ZCCHC17: variants seen among roughly 807,000 people sequenced by gnomAD.
ZCCHC17 encodes zinc finger CCHC-type containing 17.
Under a neutral mutation model 30.6 loss-of-function variants are expected in ZCCHC17, and 18 were observed. The observed-to-expected ratio is 0.59, with a 90% confidence interval of 0.41 to 0.87. The LOEUF (loss-of-function observed/expected upper bound fraction) is 0.87. ZCCHC17 is among the 40% of genes least tolerant of loss of function. The probability of loss-of-function intolerance (pLI) is 0.00; values close to 1 mark genes in which losing one functional copy is unlikely to be tolerated. For synonymous variants in ZCCHC17, 88 were observed against 92.4 expected, an observed-to-expected ratio of 0.95 and a Z score of 0.27; for missense variants, 263 against 284.2, an observed-to-expected ratio of 0.93 and a Z score of 0.54.
intron 2 of ZCCHC17, among the ~76,000 whole-genome samples, chr1:31,313,203 G>A (rs557321767): frequency 1.4e-5 from 2 of 148,080 alleles, no homozygotes; most frequent in South Asian, 2.2e-4. Context: ...CTCAGCCCCC[G>A]AGGTAGCTGG....
In ZCCHC17 at chr1:31,328,558, T is replaced by A. The variant is rs1569834507; in HGVS notation, c.125-8617T>A. Among the ~76,000 whole-genome samples the A allele has an allele frequency of 2.8e-5, 3 of 107,070 alleles. No individual in the cohort carries two copies. The South Asian group carries it at 7.3e-4, about 26-fold the overall frequency. 70.2% of individuals were successfully genotyped at this position (107,070 alleles called of 152,430 possible). A position where few individuals can be genotyped will look rare whatever the true frequency, so the allele number is the denominator to read the frequency against. ...AATTAAACTTTATCTTAGGTGTGTA[T>A]GTATAGGAAAAACATAGTATGTATA... On this transcript the variant is annotated intron_variant, in intron 3 of 7. Transcript: ENST00000344147.
rs755218554 is a variant in ZCCHC17 at position 31,346,630 on chromosome 1, T to C, written c.318-10T>C. ...AAGGGGGCCGGCAGTCGGTATCTTTTTCATTATAGGCAAGAAGAGAGGCGG... is the reference window on the plus strand; with the variant it reads ...AAGGGGGCCGGCAGTCGGTATCTTTCTCATTATAGGCAAGAAGAGAGGCGG... On this transcript the variant is annotated splice_polypyrimidine_tract_variant and intron_variant, in intron 5 of 7. Coordinates refer to ENST00000344147, the MANE Select transcript of ZCCHC17 (RefSeq NM_016505.4). 4 of 1,598,620 alleles carry C rather than the reference T, an allele frequency of 2.5e-6. No homozygotes were observed. The highest frequency in any genetic ancestry group is 2.7e-5 in the African/African-American group (2 of 74,554).
At chr1:31,319,970 GAGTTA>G (rs766378771) in intron 3 of ZCCHC17, among the ~76,000 whole-genome samples, 64 of 152,152 alleles carry the variant, frequency 4.2e-4, no homozygotes, top group Non-Finnish European at 4.1e-4. Flanking sequence ...ATTGTAATCA[GAGTTA>G]AGTTTGGAAA....
At chr1:31,328,514 A>G (rs1638447811) in intron 3 of ZCCHC17, among the ~76,000 whole-genome samples, 1 of 151,604 alleles carries the variant, frequency 6.6e-6, no homozygotes, top group Non-Finnish European at 1.5e-5. Flanking sequence ...TCTCAAAAAT[A>G]AATAAATAAA....
intron 3 of ZCCHC17, among the ~76,000 whole-genome samples, chr1:31,321,353 GGTT>G (rs1380111287): frequency 6.6e-6 from 1 of 152,128 alleles, no homozygotes; most frequent in African/African-American, 2.4e-5. Flanking sequence ...CTTTCCCCAT[GGTT>G]GTTAAGTTTC....
chr1:31,331,943 A>G (rs1194404737), intron 3 of ZCCHC17, among the ~76,000 whole-genome samples: 2 of 152,060 alleles, frequency 1.3e-5, no homozygotes, highest in East Asian at 3.9e-4. Flanking sequence ...GTGATAGTAC[A>G]CTAAACCTTC....
At position 31,364,118 on chromosome 1, in the gene ZCCHC17, G is replaced by A. The variant is rs1640038453; in HGVS notation, c.651G>A (p.Arg217=). 6.2e-7 allele frequency: 1 copy of A among 1,613,816 alleles called. No homozygotes were observed. The highest frequency in any genetic ancestry group is 1.7e-4 in the Middle Eastern group (1 of 6,056). The part of the protein sequence containing the change: ...DSESDTGKRA[R]HTSKDSKAAK... ...AGAGTGATACAGGCAAGAGGGCAAG[G>A]CACACATCAAAAGACAGCAAGGCAG... is the stretch of plus-strand genomic sequence containing the variant. The change falls in exon 8 of 8, where the codon AGG becomes AGA. Residue 217 remains arginine (R), a synonymous_variant. Coordinates refer to ENST00000344147, the MANE Select transcript of ZCCHC17 (RefSeq NM_016505.4).
chr1:31,324,768 G>A (rs1309472728), intron 3 of ZCCHC17, among the ~76,000 whole-genome samples: 1 of 152,200 alleles, frequency 6.6e-6, no homozygotes, highest in Non-Finnish European at 1.5e-5. Context: ...GCATGGGCCT[G>A]CAGGTGCCCC....
chr1:31,346,883 A>G, intron 6 of ZCCHC17, 143 bp downstream of exon 6: 1 of 1,494,344 alleles, frequency 6.7e-7, no homozygotes, highest in Non-Finnish European at 8.9e-7. Flanking sequence ...CACCAGACTC[A>G]CATCAGAGTT....
At chr1:31,342,847 T>G (rs1262731881) in intron 5 of ZCCHC17, among the ~76,000 whole-genome samples, 1 of 152,124 alleles carries the variant, frequency 6.6e-6, no homozygotes, top group Non-Finnish European at 1.5e-5. Context: ...GTATTTGAGT[T>G]AGGTTTTGAA....
At chr1:31,317,584 C>G (rs1646767051) in intron 2 of ZCCHC17, among the ~76,000 whole-genome samples, 1 of 152,112 alleles carries the variant, frequency 6.6e-6, no homozygotes, top group African/African-American at 2.4e-5. Context: ...TTAGAAGCCA[C>G]ATCTTTCACT....
chr1:31,340,778 G>C (rs1639022315), intron 5 of ZCCHC17, among the ~76,000 whole-genome samples: 1 of 152,160 alleles, frequency 6.6e-6, no homozygotes, highest in Non-Finnish European at 1.5e-5. Flanking sequence ...TTATGTCATT[G>C]ATGAATTTAA....
At chr1:31,304,272 C>CTTTTTTT (rs5773350) in intron 1 of ZCCHC17, among the ~76,000 whole-genome samples, 2 of 146,650 alleles carry the variant, frequency 1.4e-5, no homozygotes, top group Non-Finnish European at 3.0e-5. Flanking sequence ...GTTATATACT[C>CTTTTTTT]TTTTTTTTTT....
Position 31,364,217 on chromosome 1 carries a change from G to A in ZCCHC17, c.*24G>A. 1 of 1,598,448 alleles carries A rather than the reference G, an allele frequency of 6.3e-7. No individual in the cohort carries two copies. The highest frequency in any genetic ancestry group is 8.5e-7 in the Non-Finnish European group (1 of 1,174,488). On this transcript the variant is annotated 3_prime_UTR_variant, in exon 8 of 8. Transcript: ENST00000344147. ...GAGAGTATAAAGAGTGTAGGGGGTG[G>A]TTGAGAGTAAGAAACCAGGAGCCTT...
chr1:31,300,973 G>T (rs1646297616), intron 1 of ZCCHC17, among the ~76,000 whole-genome samples: 1 of 151,764 alleles, frequency 6.6e-6, no homozygotes, highest in South Asian at 2.1e-4. Flanking sequence ...TTAGTGGCAA[G>T]TGTGTGTGGC....
chr1:31,346,349 C>T (rs1482937640), intron 5 of ZCCHC17, among the ~76,000 whole-genome samples: 1 of 152,156 alleles, frequency 6.6e-6, no homozygotes, highest in East Asian at 1.9e-4. Context: ...CTTTGAAGGT[C>T]TTTTAAACCT....
intron 5 of ZCCHC17, among the ~76,000 whole-genome samples, chr1:31,346,377 G>T (rs867982486): frequency 6.6e-6 from 1 of 152,140 alleles, no homozygotes; most frequent in African/African-American, 2.4e-5. Flanking sequence ...ACCTGGTAAG[G>T]GTTGTAGGGT....
At chr1:31,314,554 T>A (rs1646685546) in intron 2 of ZCCHC17, among the ~76,000 whole-genome samples, 1 of 152,166 alleles carries the variant, frequency 6.6e-6, no homozygotes, top group Non-Finnish European at 1.5e-5. Context: ...AGGGAGACTC[T>A]TCTCAGAAGT....
In ZCCHC17 at chr1:31,297,063, G is replaced by A. The variant is rs1267064556; in HGVS notation, c.-68G>A. 8 of 444,126 alleles carry A rather than the reference G, an allele frequency of 1.8e-5. 1 individual carries two copies. The South Asian group carries it at 3.6e-4, about 20-fold the overall frequency. 27.5% of individuals were successfully genotyped at this position (444,126 alleles called of 1,614,324 possible). A position where few individuals can be genotyped will look rare whatever the true frequency, so the allele number is the denominator to read the frequency against. Reference sequence around the variant, plus strand: ...TTCAGCGCAGCGACTCGGGGACCTGGAGCTGACGCCTAGTACGTATGAGGA... The same window carrying A: ...TTCAGCGCAGCGACTCGGGGACCTGAAGCTGACGCCTAGTACGTATGAGGA... On this transcript the variant is annotated 5_prime_UTR_variant, in exon 1 of 8. Coordinates refer to ENST00000344147, the MANE Select transcript of ZCCHC17 (RefSeq NM_016505.4).
Sources: allele counts gnomAD v4.1 joint callset (sites outside exome capture counted in the v4.1 genomes callset), GRCh38; gene constraint gnomAD v4.1.1; transcripts MANE v1.5; gene names NCBI Gene and HGNC (gene_info 2026-07-23, HGNC 2026-07-21).